Variants in WDPCP observed in about 807,000 individuals in gnomAD.
WDPCP encodes the protein WD repeat-containing and planar cell polarity effector protein fritz homolog.
Under a neutral mutation model 93.1 loss-of-function variants are expected in WDPCP, and 71 were observed. The ratio of observed to expected loss-of-function variants is 0.76; its 90% confidence interval spans 0.63 to 0.93. The LOEUF is 0.93. WDPCP is among the 40% of genes least tolerant of loss of function. The pLI, the probability that WDPCP is intolerant of heterozygous loss-of-function variation, is 0.00. For synonymous variants in WDPCP, 315 were observed against 315.0 expected, an observed-to-expected ratio of 1.00 and a Z score of 0.00; for missense variants, 844 against 887.4, an observed-to-expected ratio of 0.95 and a Z score of 0.62.
intron 12 of WDPCP, among the ~76,000 whole-genome samples, chr2:63,351,860 G>T (rs889288255): frequency 1.3e-5 from 2 of 152,216 alleles, no homozygotes; most frequent in African/African-American, 4.8e-5. Context: ...GCTTTCCACA[G>T]TGGCTGGACT....
intron 2 of WDPCP, among the ~76,000 whole-genome samples, chr2:63,790,591 G>A (rs934414305): frequency 1.2e-4 from 18 of 152,148 alleles, no homozygotes; most frequent in Admixed American, 1.1e-3. Context: ...TGTTCAAGTC[G>A]TATAATAGAC....
intron 9 of WDPCP, among the ~76,000 whole-genome samples, chr2:63,426,847 C>A (rs1696342518): frequency 6.6e-6 from 1 of 151,902 alleles, no homozygotes; most frequent in Non-Finnish European, 1.5e-5. Flanking sequence ...CCCACAAGCT[C>A]AAATTAAGGA....
At chr2:63,307,511 A>T (rs185233701) in intron 13 of WDPCP, among the ~76,000 whole-genome samples, 2 of 152,336 alleles carry the variant, frequency 1.3e-5, no homozygotes, top group Non-Finnish European at 2.9e-5. Flanking sequence ...TACGGTAAAC[A>T]AAACAGCGTG....
upstream of WDPCP, chr2:63,588,915 C>G (rs1709074119): frequency 7.8e-7 from 1 of 1,286,466 alleles, no homozygotes; most frequent in Non-Finnish European, 1.1e-6. Context: ...CCAGAGAGCG[C>G]CGCGTCGGGA....
intron 3 of WDPCP, chr2:63,597,204 TAAATC>T: frequency 1.2e-6 from 1 of 862,864 alleles, no homozygotes; most frequent in Non-Finnish European, 1.4e-6. Context: ...AAAAGCAAAA[TAAATC>T]TATTGACATT....
chr2:63,541,032 T>C (rs1704679614), intron 1 of WDPCP, among the ~76,000 whole-genome samples: 1 of 152,164 alleles, frequency 6.6e-6, no homozygotes, highest in East Asian at 1.9e-4. Context: ...TGGAGTGCAG[T>C]AGCATGATCT....
intron 12 of WDPCP, among the ~76,000 whole-genome samples, chr2:63,316,854 A>G (rs1250537571): frequency 6.6e-6 from 1 of 152,164 alleles, no homozygotes; most frequent in Non-Finnish European, 1.5e-5. Flanking sequence ...GCAAAGTTGC[A>G]GGATACAAAA....
chr2:63,394,575 G>C (rs1368842594), intron 10 of WDPCP, among the ~76,000 whole-genome samples: 1 of 152,032 alleles, frequency 6.6e-6, no homozygotes, highest in East Asian at 1.9e-4. Context: ...CTACTATAAA[G>C]ACACATGCAC....
Position 63,174,735 on chromosome 2 carries a change from GA to G in WDPCP, c.2012del (p.Leu671ProfsTer17). 1 of 1,614,008 alleles carries G rather than the reference GA, an allele frequency of 6.2e-7. No homozygotes were observed. Among genetic ancestry groups the G allele is most frequent in the Non-Finnish European group, 8.5e-7 (1 of 1,179,940 alleles). ...GTCTGTGGGTTGGGCAAGAGGGAGG[GA>G]GGTTATCTGGAAATGAGTCTTCTCC... is the stretch of plus-strand genomic sequence containing the variant. Reference protein sequence around the residue: ...PQGEDSFPDNLPPSCPTHRHI... With the variant: ...PQGEDSFPDNXPPSCPTHRHI... On this transcript the variant is annotated frameshift_variant, in exon 15 of 18. Coordinates refer to ENST00000272321, the MANE Select transcript of WDPCP (RefSeq NM_015910.7). LOFTEE classifies it high-confidence loss of function.
At chr2:63,476,342 C>T (rs997004592) in intron 6 of WDPCP, among the ~76,000 whole-genome samples, 1 of 152,120 alleles carries the variant, frequency 6.6e-6, no homozygotes, top group African/African-American at 2.4e-5. Context: ...TCTAAATGGG[C>T]TCACCTCCTC....
chr2:63,256,761 A>G (rs1681186641), intron 14 of WDPCP, among the ~76,000 whole-genome samples: 1 of 152,222 alleles, frequency 6.6e-6, no homozygotes, highest in South Asian at 2.1e-4. Flanking sequence ...GAAGAGTGGA[A>G]GAATTATAAC....
chr2:63,604,818 TG>T (rs1323522825), intron 3 of WDPCP: 2 of 1,614,064 alleles, frequency 1.2e-6, no homozygotes, highest in Admixed American at 3.3e-5. Context: ...GAAAGGAAGT[TG>T]GTGTTTATGA....
chr2:63,524,136 TA>T (rs1703147619), intron 1 of WDPCP, among the ~76,000 whole-genome samples: 1 of 151,752 alleles, frequency 6.6e-6, no homozygotes, highest in South Asian at 2.1e-4. Context: ...AATGAAAAAA[TA>T]TTCCATGCTT....
At chr2:63,730,999 G>A (rs1442570308) in intron 2 of WDPCP, among the ~76,000 whole-genome samples, 4 of 152,116 alleles carry the variant, frequency 2.6e-5, no homozygotes, top group South Asian at 4.2e-4. Flanking sequence ...GGCCGGGTAC[G>A]GTGGCTCATG....
intron 17 of WDPCP, among the ~76,000 whole-genome samples, chr2:63,143,678 T>C (rs1345500752): frequency 6.6e-6 from 1 of 152,222 alleles, no homozygotes; most frequent in Admixed American, 6.5e-5. Flanking sequence ...AAAACGACTA[T>C]ATCTTTGCTT....
chr2:63,309,730 T>C (rs915573636), intron 13 of WDPCP, among the ~76,000 whole-genome samples: 14 of 152,122 alleles, frequency 9.2e-5, no homozygotes, highest in Non-Finnish European at 5.9e-5. Context: ...TTTAAAACGA[T>C]AGACATCAAA....
intron 13 of WDPCP, among the ~76,000 whole-genome samples, chr2:63,306,415 ACACCTGG>A (rs968202323): frequency 6.6e-6 from 1 of 152,210 alleles, no homozygotes; most frequent in Non-Finnish European, 1.5e-5. Flanking sequence ...CCTGATTCCA[ACACCTGG>A]CAGAGTCACA....
intron 2 of WDPCP, among the ~76,000 whole-genome samples, chr2:63,767,248 A>G (rs1448291640): frequency 6.6e-6 from 1 of 152,172 alleles, no homozygotes; most frequent in African/African-American, 2.4e-5. Context: ...CATTCATTGT[A>G]CATGGACATT....
chr2:63,183,701 C>T (rs1674413560), intron 14 of WDPCP, among the ~76,000 whole-genome samples: 1 of 152,000 alleles, frequency 6.6e-6, no homozygotes, highest in South Asian at 2.1e-4. Flanking sequence ...TCTCAATGAT[C>T]TGTGAACTGC....
Sources: gnomAD v4.1 joint callset for allele counts (sites outside exome capture counted in the v4.1 genomes callset) on GRCh38, gnomAD v4.1.1 for gene constraint, MANE v1.5 for transcripts, NCBI Gene and HGNC (gene_info 2026-07-23, HGNC 2026-07-21) for gene names.